BCL10: variants seen among roughly 807,000 people sequenced by gnomAD.
BCL10 encodes the protein B-cell lymphoma/leukemia 10.
Under a neutral mutation model 19.2 loss-of-function variants are expected in BCL10, and 5 were observed. That is an observed-to-expected ratio of 0.26 (90% CI 0.14 to 0.55). BCL10 has a LOEUF of 0.55. Among genes scored for constraint, BCL10 ranks in the 20% least tolerant of loss-of-function variants. The pLI is 0.94. For synonymous variants in BCL10, 110 were observed against 98.8 expected (o/e 1.11, Z -0.67); for missense variants, 201 against 271.9 (o/e 0.74, Z 1.83).
At chr1:85,273,313 G>C (rs1276342394) in intron 1 of BCL10, among the ~76,000 whole-genome samples, 2 of 152,202 alleles carry the variant, frequency 1.3e-5, no homozygotes, top group African/African-American at 4.8e-5. Flanking sequence ...CATAAACACA[G>C]TTGACTACTC....
chr1:85,273,144 G>T (rs1277385551), intron 1 of BCL10, among the ~76,000 whole-genome samples: 1 of 152,118 alleles, frequency 6.6e-6, no homozygotes, highest in East Asian at 1.9e-4. Flanking sequence ...AGCACCTTGT[G>T]TATACACTTC....
chr1:85,276,470 T>G lies in BCL10; in HGVS notation c.-118A>C. 3.3e-6 allele frequency: 4 copies of G among 1,223,398 alleles called. No individual in the cohort carries two copies. The highest frequency in any genetic ancestry group is 1.5e-5 in the African/African-American group (1 of 66,804). The allele number at this position is 1,223,398 out of a possible 1,614,324, so 75.8% of individuals were successfully genotyped here. On this transcript the variant is annotated 5_prime_UTR_variant, in exon 1 of 3. Coordinates refer to ENST00000648566, the MANE Select transcript of BCL10 (RefSeq NM_003921.5). ...GAAGAAGGAGAGGAGGCGGAGCGGGTCGGGAGAAAGACGGCCGCCCCTTCG... is the reference window on the plus strand; with the variant it reads ...GAAGAAGGAGAGGAGGCGGAGCGGGGCGGGAGAAAGACGGCCGCCCCTTCG...
In BCL10 at chr1:85,276,332, G is replaced by A. The variant is rs2100755405; in HGVS notation, c.21C>T (p.Ser7=). MEPTAP[S]LTEEDLTEVK... ...CTTCAGTGAGGTCCTCCTCGGTGAG[G>A]GACGGTGCGGTGGGCTCCATGGTGG... The change falls in exon 1 of 3, where the codon TCC becomes TCT. Residue 7 remains serine (S), a synonymous_variant. Transcript: ENST00000648566. 6.2e-7 allele frequency: 1 copy of A among 1,613,698 alleles called. No homozygotes were observed. The highest frequency in any genetic ancestry group is 2.2e-5 in the East Asian group (1 of 44,846).
At chr1:85,272,891 G>T (rs1660405368) in intron 1 of BCL10, among the ~76,000 whole-genome samples, 1 of 152,158 alleles carries the variant, frequency 6.6e-6, no homozygotes, top group Non-Finnish European at 1.5e-5. Context: ...GGAAGACAAG[G>T]TTCATTGATA....
In BCL10 at chr1:85,276,340, C is replaced by A. The variant is rs12037217; in HGVS notation, c.13G>T (p.Ala5Ser). The A allele has an allele frequency of 0.025, 39,674 of 1,613,546 alleles. 780 individuals carry two copies. The highest frequency in any genetic ancestry group is 0.087 in the East Asian group (3,907 of 44,842). Residue 5 changes from alanine (A) to serine (S), a missense_variant, in exon 1 of 3, where the codon GCA becomes TCA. Ala to Ser is a moderately conservative substitution (Grantham distance 99). Transcript: ENST00000648566. MEPT[A>S]PSLTEEDLTE... ...AGGTCCTCCTCGGTGAGGGACGGTG[C>A]GGTGGGCTCCATGGTGGAGGCGGGA...
At chr1:85,275,815 T>C (rs1056164321) in intron 1 of BCL10, among the ~76,000 whole-genome samples, 14 of 152,238 alleles carry the variant, frequency 9.2e-5, no homozygotes, top group Non-Finnish European at 1.8e-4. Context: ...GAATTCCAGG[T>C]TGTGCTTTCA....
Position 85,267,573 on chromosome 1 carries a change from C to G in BCL10, c.*54G>C. On this transcript the variant is annotated 3_prime_UTR_variant, in exon 3 of 3. Coordinates refer to ENST00000648566, the MANE Select transcript of BCL10 (RefSeq NM_003921.5). ...TGATTACAGCCATTTTATAAAAAGT[C>G]ATATTCTTTAAAACATTTTTTGTCA... The G allele has an allele frequency of 1.4e-6, 2 of 1,405,486 alleles. No individual in the cohort carries two copies. The allele number at this position is 1,405,486 out of a possible 1,614,324, so 87.1% of individuals were successfully genotyped here. A position where few individuals can be genotyped will look rare whatever the true frequency, so the allele number is the denominator to read the frequency against.
chr1:85,267,935 T>C lies in BCL10; in HGVS notation c.394A>G (p.Asn132Asp), dbSNP rs367565183. 1.2e-6 allele frequency: 2 copies of C among 1,603,960 alleles called. No individual in the cohort carries two copies. The highest frequency in any genetic ancestry group is 1.7e-6 in the Non-Finnish European group (2 of 1,174,286). The change falls in exon 3 of 3, where the codon AAC (asparagine) becomes GAC (aspartate). Residue 132 changes from asparagine (N) to aspartate (D), a missense_variant. Asn to Asp is a conservative substitution (Grantham distance 23). This residue lies in a region of BCL10 where 126 missense variants were observed against 136.6 expected (regional missense o/e 0.92). Transcript: ENST00000648566. ...CEPFPDGATN[N>D]LSRSNSDESN... ...TCATCTGAATTTGATCTGGAGAGGT[T>C]GTTCGTGGCTCCATCTGGAAAAGGT... is the stretch of plus-strand genomic sequence containing the variant.
Position 85,276,173 on chromosome 1 carries a change from T to G in BCL10, c.57+123A>C, listed in dbSNP as rs113756942. 4.7e-4 allele frequency: 579 copies of G among 1,243,802 alleles called. 6 individuals carry two copies. The African/African-American group carries it at 7.4e-3, about 16-fold the overall frequency. The allele number at this position is 1,243,802 out of a possible 1,614,324, so 77.0% of individuals were successfully genotyped here. On this transcript the variant is annotated intron_variant, in intron 1 of 2. Transcript: ENST00000648566. The stretch of plus-strand genomic sequence containing the variant: ...AGGGCTCGCCACAGTCCTCCTGTGC[T>G]AGGACTTTCCGCTCCTCCGACCTGG...
chr1:85,267,754 A>G lies in BCL10; in HGVS notation c.575T>C (p.Leu192Pro), dbSNP rs1326057179. 2 of 1,614,242 alleles carry G rather than the reference A, an allele frequency of 1.2e-6. No homozygotes were observed. Among genetic ancestry groups the G allele is most frequent in the Admixed American group, 3.3e-5 (2 of 60,034 alleles). The change falls in exon 3 of 3, where the codon CTT becomes CCT. Residue 192 changes from leucine to proline, a missense_variant. By Grantham distance (98) the Leu-to-Pro change is moderately conservative. This residue lies in a region of BCL10 where 126 missense variants were observed against 136.6 expected (regional missense o/e 0.92). Coordinates refer to ENST00000648566, the MANE Select transcript of BCL10 (RefSeq NM_003921.5). ...TENTIFSSTT[L>P]PRPGDPGAPP... ...AGCCCCTGGGTCCCCAGGTCTGGGA[A>G]GTGTAGTTGAAGAGAAGATGGTATT...
At chr1:85,271,527 A>C (rs1383111846) in intron 1 of BCL10, among the ~76,000 whole-genome samples, 3 of 152,170 alleles carry the variant, frequency 2.0e-5, no homozygotes, top group Non-Finnish European at 4.4e-5. Flanking sequence ...GAAATAAAGA[A>C]AAAGGACACC....
At chr1:85,269,041 C>T (rs1193013430) in intron 2 of BCL10, among the ~76,000 whole-genome samples, 1 of 152,202 alleles carries the variant, frequency 6.6e-6, no homozygotes, top group Non-Finnish European at 1.5e-5. Context: ...GAGGGCTCTG[C>T]CCTGGACTAA....
intron 2 of BCL10, among the ~76,000 whole-genome samples, chr1:85,269,378 C>T (rs1660298230): frequency 6.6e-6 from 1 of 152,184 alleles, no homozygotes; most frequent in Admixed American, 6.5e-5. Flanking sequence ...ACAATTTACC[C>T]TTCTGTTAGG....
chr1:85,267,948 A>T lies in BCL10; in HGVS notation c.381T>A (p.Asp127Glu). 6.3e-7 allele frequency: 1 copy of T among 1,598,160 alleles called. No homozygotes were observed. Among genetic ancestry groups the T allele is most frequent in the African/African-American group, 1.3e-5 (1 of 74,452 alleles). Residue 127 changes from aspartate to glutamate, a missense_variant, in exon 3 of 3, where the codon GAT becomes GAA. Physicochemically the swap from Asp to Glu is conservative, Grantham distance 45 (BLOSUM62 2). Around this residue, in one of 3 missense-constraint regions of BCL10, gnomAD observed 126 missense variants for 136.6 expected, o/e 0.92. Transcript: ENST00000648566. ...LKCSSCEPFP[D>E]GATNNLSRSN... ...ATCTGGAGAGGTTGTTCGTGGCTCC[A>T]TCTGGAAAAGGTTCACAACTGCTAC...
intron 1 of BCL10, 78 bp downstream of exon 1, chr1:85,276,218 G>A (rs528422319): frequency 3.2e-6 from 5 of 1,545,576 alleles, no homozygotes; most frequent in Admixed American, 3.3e-5. Context: ...CTTGTCCTCG[G>A]ACTCCAGGCT....
chr1:85,273,604 A>C (rs1660425564), intron 1 of BCL10, among the ~76,000 whole-genome samples: 1 of 148,318 alleles, frequency 6.7e-6, no homozygotes, highest in Non-Finnish European at 1.5e-5. Context: ...CTGATCTGAC[A>C]TTTCCATGTA....
At chr1:85,271,181 G>C (rs906084832) in intron 1 of BCL10, among the ~76,000 whole-genome samples, 1 of 152,188 alleles carries the variant, frequency 6.6e-6, no homozygotes, top group Non-Finnish European at 1.5e-5. Flanking sequence ...TGGGTCCTTG[G>C]AAACAGGGAG....
intron 1 of BCL10, among the ~76,000 whole-genome samples, chr1:85,271,151 C>A (rs1261625857): frequency 6.6e-6 from 1 of 152,136 alleles, no homozygotes; most frequent in Non-Finnish European, 1.5e-5. Flanking sequence ...TGAAGAGGGA[C>A]CAGCTGAATC....
At chr1:85,275,893 C>G (rs1359376115) in intron 1 of BCL10, among the ~76,000 whole-genome samples, 2 of 152,228 alleles carry the variant, frequency 1.3e-5, no homozygotes, top group Admixed American at 1.3e-4. Context: ...GCTTGGGATC[C>G]TTCACCTGGT....
Sources: allele counts gnomAD v4.1 joint callset (sites outside exome capture counted in the v4.1 genomes callset), GRCh38; gene constraint gnomAD v4.1.1; regional missense constraint gnomAD v4.1.1; transcripts MANE v1.5; gene names NCBI Gene and HGNC (gene_info 2026-07-23, HGNC 2026-07-21).